NFIA: variants seen among roughly 807,000 people sequenced by gnomAD.
NFIA encodes the protein nuclear factor I A.
A neutral mutation model predicts 62.8 loss-of-function variants in NFIA; 8 were observed. That is an observed-to-expected ratio of 0.13 (90% CI 0.07 to 0.23). The LOEUF is 0.23. Among genes scored for constraint, NFIA ranks in the 10% least tolerant of loss-of-function variants. NFIA has a pLI of 1.00. For synonymous variants in NFIA, 235 were observed against 238.1 expected (o/e 0.99, Z 0.12); for missense variants, 410 against 642.1 (o/e 0.64, Z 3.91).
chr1:61,239,480 C>T (rs773962834), intron 2 of NFIA, among the ~76,000 whole-genome samples: 1 of 152,072 alleles, frequency 6.6e-6, no homozygotes, highest in Admixed American at 6.6e-5. Context: ...AGTTGCTTAT[C>T]TATCTTTCAT....
chr1:61,080,026 C>CG (rs906829305), upstream of NFIA, among the ~76,000 whole-genome samples: 2 of 152,174 alleles, frequency 1.3e-5, no homozygotes, highest in African/African-American at 4.8e-5. Context: ...CCTCCCTCCG[C>CG]GGGGGAGGGA....
chr1:61,404,163 C>T lies in NFIA; in HGVS notation c.1135C>T (p.Pro379Ser), dbSNP rs1299928032. The change falls in exon 8 of 11, where the codon CCT becomes TCT. Residue 379 changes from proline to serine, a missense_variant. By Grantham distance (74) the Pro-to-Ser change is moderately conservative (BLOSUM62 -1). Coordinates refer to ENST00000403491, the MANE Select transcript of NFIA (RefSeq NM_001134673.4). ...CCCGACATCACCCATTATCCAGCAG[C>T]CTGGGCCTTACTTCTCACACCCAGC... ...HFPTSPIIQQPGPYFSHPAIR... is the reference protein window; with the variant it reads ...HFPTSPIIQQSGPYFSHPAIR... 6.2e-7 allele frequency: 1 copy of T among 1,614,086 alleles called. No individual in the cohort carries two copies.
chr1:61,271,161 C>A lies in NFIA; in HGVS notation c.560-6359C>A, dbSNP rs142036399. Among the ~76,000 whole-genome samples, 4 of 152,226 alleles carry A rather than the reference C, an allele frequency of 2.6e-5. No individual in the cohort carries two copies. In the East Asian group the frequency reaches 7.7e-4, roughly 29 times the overall value. ...GTCATTTTTAAAGCTTAGAAATGATCCTCCCCTCACTGTCATAACACAACA... is the reference window on the plus strand; with the variant it reads ...GTCATTTTTAAAGCTTAGAAATGATACTCCCCTCACTGTCATAACACAACA... On this transcript the variant is annotated intron_variant, in intron 2 of 10. Coordinates refer to ENST00000403491, the MANE Select transcript of NFIA (RefSeq NM_001134673.4).
At chr1:61,089,698 T>TC (rs1557557210) in intron 2 of NFIA, among the ~76,000 whole-genome samples, 1 of 148,676 alleles carries the variant, frequency 6.7e-6, no homozygotes, top group African/African-American at 2.5e-5. Context: ...TTTTTTTCTT[T>TC]TTTTTTTTTT....
At chr1:61,276,418 C>T (rs890297987) in intron 2 of NFIA, among the ~76,000 whole-genome samples, 2 of 152,116 alleles carry the variant, frequency 1.3e-5, no homozygotes, top group African/African-American at 4.8e-5. Context: ...TTTGACCTTA[C>T]ATTAAACTTG....
intron 2 of NFIA, among the ~76,000 whole-genome samples, chr1:61,183,671 G>A (rs1237957183): frequency 6.6e-6 from 1 of 152,194 alleles, no homozygotes; most frequent in East Asian, 1.9e-4. Context: ...GTGTCTGGCA[G>A]CCACACAGGG....
In NFIA at chr1:61,294,632, C is replaced by A. The variant is rs141746700; in HGVS notation, c.625+17047C>A. On this transcript the variant is annotated intron_variant, in intron 3 of 10. Coordinates refer to ENST00000403491, the MANE Select transcript of NFIA (RefSeq NM_001134673.4). The stretch of plus-strand genomic sequence containing the variant: ...TTAAAGGCAGACATTAAGTGGATTG[C>A]GAACTCCATGAAAGCAAGGATTGTT... Among the ~76,000 whole-genome samples, 884 of 152,304 alleles carry A rather than the reference C, an allele frequency of 5.8e-3. 8 individuals carry two copies. The highest frequency in any genetic ancestry group is 0.02 in the African/African-American group (829 of 41,576).
intron 10 of NFIA, among the ~76,000 whole-genome samples, chr1:61,440,593 A>C (rs1239406276): frequency 6.6e-6 from 1 of 152,192 alleles, no homozygotes; most frequent in Non-Finnish European, 1.5e-5. Flanking sequence ...TTTTAAGTAC[A>C]AAAAAAGAAC....
At chr1:61,260,079 A>C (rs1336102798) in intron 2 of NFIA, among the ~76,000 whole-genome samples, 1 of 152,212 alleles carries the variant, frequency 6.6e-6, no homozygotes, top group Non-Finnish European at 1.5e-5. Flanking sequence ...TGAGTTTTGA[A>C]CTAGTGAATG....
chr1:61,429,512 A>G (rs1667009557), intron 10 of NFIA, among the ~76,000 whole-genome samples: 1 of 152,170 alleles, frequency 6.6e-6, no homozygotes, highest in Non-Finnish European at 1.5e-5. Context: ...CAGGGATACT[A>G]CTGGTGGAGT....
At chr1:61,142,382 TACTG>T (rs1398640264) in intron 2 of NFIA, among the ~76,000 whole-genome samples, 1 of 152,224 alleles carries the variant, frequency 6.6e-6, no homozygotes, top group Non-Finnish European at 1.5e-5. Context: ...AAGCTGAACA[TACTG>T]TATGTTATTT....
intron 2 of NFIA, among the ~76,000 whole-genome samples, chr1:61,116,665 A>G (rs988688346): frequency 6.6e-6 from 1 of 152,232 alleles, no homozygotes; most frequent in African/African-American, 2.4e-5. Context: ...ATAAATTATC[A>G]ACGATGACTG....
intron 2 of NFIA, among the ~76,000 whole-genome samples, chr1:61,262,076 C>A (rs1006372312): frequency 1.3e-5 from 2 of 152,114 alleles, no homozygotes; most frequent in African/African-American, 2.4e-5. Context: ...GCATGAATTT[C>A]TTCTCTAAGA....
At chr1:61,131,882 T>A (rs992082422) in intron 2 of NFIA, among the ~76,000 whole-genome samples, 3 of 152,098 alleles carry the variant, frequency 2.0e-5, no homozygotes, top group African/African-American at 7.2e-5. Context: ...GTTAAAAGAG[T>A]AACCATATCT....
rs1204542931 is a variant in NFIA at position 61,461,392 on chromosome 1, GA to G, written c.*6077del. On this transcript the variant is annotated 3_prime_UTR_variant, in exon 11 of 11. Coordinates refer to ENST00000403491, the MANE Select transcript of NFIA (RefSeq NM_001134673.4). ...TACAAACTTTGGGCCCGATTCATAA[GA>G]AAAAGAAGTTTGCTATTAACACGGG... The G allele has an allele frequency of 6.6e-6, 1 of 152,088 alleles. No individual in the cohort carries two copies. Among genetic ancestry groups the G allele is most frequent in the Non-Finnish European group, 1.5e-5 (1 of 67,992 alleles). 9.4% of individuals were successfully genotyped at this position (152,088 alleles called of 1,614,324 possible).
chr1:61,124,297 G>A (rs1646933430), intron 2 of NFIA, among the ~76,000 whole-genome samples: 1 of 152,176 alleles, frequency 6.6e-6, no homozygotes, highest in Non-Finnish European at 1.5e-5. Flanking sequence ...GCTAGGCATT[G>A]TGGATCCATA....
In NFIA at chr1:61,457,502, A is replaced by G. The variant is rs1668360444; in HGVS notation, c.*2182A>G. ...TCTGAGATCTGTAGATGCTTAGAATATCAGTATTTTGGATGTTGCTGCATT... is the reference window on the plus strand; with the variant it reads ...TCTGAGATCTGTAGATGCTTAGAATGTCAGTATTTTGGATGTTGCTGCATT... On this transcript the variant is annotated 3_prime_UTR_variant, in exon 11 of 11. Coordinates refer to ENST00000403491, the MANE Select transcript of NFIA (RefSeq NM_001134673.4). The surrounding 1 kb of genome is among the most constrained non-coding windows in gnomAD (Gnocchi z 4.2). 1 of 152,212 alleles carries G rather than the reference A, an allele frequency of 6.6e-6. No individual in the cohort carries two copies. Among genetic ancestry groups the G allele is most frequent in the Admixed American group, 6.5e-5 (1 of 15,284 alleles). The allele number at this position is 152,212 out of a possible 1,614,324, so 9.4% of individuals were successfully genotyped here.
rs1383838033 is a variant in NFIA, at chr1:61,082,757, C to G, written c.-35C>G. ...TCACGCACACCTCCAAACCGCACAC[C>G]CAGACGCACACGCATACCCCAGCGC... is the stretch of plus-strand genomic sequence containing the variant. On this transcript the variant is annotated 5_prime_UTR_variant, in exon 1 of 11. Transcript: ENST00000403491. 3.9e-6 allele frequency: 6 copies of G among 1,552,658 alleles called. No homozygotes were observed. Among genetic ancestry groups the G allele is most frequent in the Non-Finnish European group, 4.4e-6 (5 of 1,147,534 alleles).
At chr1:61,426,117 C>T (rs1428523431) in intron 9 of NFIA, among the ~76,000 whole-genome samples, 3 of 152,160 alleles carry the variant, frequency 2.0e-5, no homozygotes, top group African/African-American at 7.2e-5. Context: ...TCTCCCTCTG[C>T]TCTAAAGAAT....
Sources: allele counts gnomAD v4.1 joint callset (sites outside exome capture counted in the v4.1 genomes callset), GRCh38; gene constraint gnomAD v4.1.1; non-coding constraint Gnocchi (gnomAD v3.1); transcripts MANE v1.5; gene names NCBI Gene and HGNC (gene_info 2026-07-23, HGNC 2026-07-21).